Variants in ANGPT4 observed in about 807,000 individuals in gnomAD.
ANGPT4 encodes angiopoietin 4.
A neutral mutation model predicts 53.0 loss-of-function variants in ANGPT4; 50 were observed. The observed-to-expected ratio is 0.94, with a 90% confidence interval of 0.75 to 1.20. The LOEUF is 1.20. Ranked by LOEUF, ANGPT4 falls within the 50% of genes most tolerant of loss-of-function variation. ANGPT4 has a pLI of 0.00. For missense variants in ANGPT4, 648 were observed against 637.1 expected, an observed-to-expected ratio of 1.02 and a Z score of -0.18; for synonymous variants, 251 against 259.7, an observed-to-expected ratio of 0.97 and a Z score of 0.32.
At chr20:886,079 A>C (rs1310449708) in intron 3 of ANGPT4, among the ~76,000 whole-genome samples, 1 of 151,312 alleles carries the variant, frequency 6.6e-6, no homozygotes, top group East Asian at 1.9e-4. Flanking sequence ...TATTTTGTAC[A>C]GGTTCCTGTT....
At chr20:885,547 G>C (rs901255984) in intron 3 of ANGPT4, among the ~76,000 whole-genome samples, 4 of 152,200 alleles carry the variant, frequency 2.6e-5, no homozygotes, top group African/African-American at 9.6e-5. Flanking sequence ...GGTGGTGTGG[G>C]AGGGACACCA....
In ANGPT4 at chr20:908,243, A is replaced by T. The variant is rs752045261; in HGVS notation, c.309+7663T>A. ...CTCCACGGAGAACAGGGTCAGGACC[A>T]GGGACATCTGTCTGGCTCCTGGTGA... is the stretch of plus-strand genomic sequence containing the variant. On this transcript the variant is annotated intron_variant, in intron 1 of 8. Coordinates refer to ENST00000381922, the MANE Select transcript of ANGPT4 (RefSeq NM_015985.4). This position sits in a 1 kb window ranked among gnomAD's most constrained non-coding sequence, Gnocchi z 4.9. 1.8e-4 allele frequency among the ~76,000 whole-genome samples: 27 copies of T among 152,170 alleles called. No homozygotes were observed. Among genetic ancestry groups the T allele is most frequent in the Admixed American group, 3.3e-4 (5 of 15,286 alleles).
intron 1 of ANGPT4, among the ~76,000 whole-genome samples, chr20:903,157 T>C (rs2122850233): frequency 6.6e-6 from 1 of 152,342 alleles, no homozygotes; most frequent in Admixed American, 6.5e-5. Flanking sequence ...TGAACCCTGC[T>C]GCTGGCTTCT....
intron 1 of ANGPT4, among the ~76,000 whole-genome samples, chr20:903,710 T>C (rs59390575): frequency 0.066 from 9,973 of 152,228 alleles, 892 homozygotes; most frequent in African/African-American, 0.2. Context: ...GTGTGGGAAT[T>C]GGGATGAAGC....
Position 885,260 on chromosome 20 carries a change from C to G in ANGPT4, c.653G>C (p.Ser218Thr). 6.3e-7 allele frequency: 1 copy of G among 1,581,808 alleles called. No individual in the cohort carries two copies. The highest frequency in any genetic ancestry group is 8.6e-7 in the Non-Finnish European group (1 of 1,164,540). ...KQQEELASILSKKAKLLNTLS... is the reference protein window; with the variant it reads ...KQQEELASILTKKAKLLNTLS... Reference sequence around the variant, plus strand: ...CGTGTTCAGCAGCTTCGCCTTCTTGCTGAGGATGCTGGCCAGCTCCTCCTG... The same window carrying G: ...CGTGTTCAGCAGCTTCGCCTTCTTGGTGAGGATGCTGGCCAGCTCCTCCTG... The change falls in exon 4 of 9, where the codon AGC becomes ACC. Residue 218 changes from serine (S) to threonine (T), a missense_variant. By Grantham distance (58) the Ser-to-Thr change is moderately conservative. Transcript: ENST00000381922.
chr20:893,286 C>T (rs1981919841), intron 1 of ANGPT4, among the ~76,000 whole-genome samples: 1 of 152,232 alleles, frequency 6.6e-6, no homozygotes, highest in Non-Finnish European at 1.5e-5. Context: ...CATATCACAA[C>T]ACACTCTTAC....
At chr20:890,853 G>GCTGTTCCCTCA (rs1981818186) in intron 1 of ANGPT4, among the ~76,000 whole-genome samples, 1 of 151,918 alleles carries the variant, frequency 6.6e-6, no homozygotes, top group South Asian at 2.1e-4. Flanking sequence ...TGTGCCCACA[G>GCTGTTCCCTCA]CTGTTCCCTC....
intron 1 of ANGPT4, among the ~76,000 whole-genome samples, chr20:899,012 G>A (rs977486203): frequency 6.6e-6 from 1 of 152,178 alleles, no homozygotes; most frequent in African/African-American, 2.4e-5. Context: ...CTTCTTAGCT[G>A]CTGAAGACTG....
At chr20:883,782 G>C (rs1020944696) in intron 4 of ANGPT4, among the ~76,000 whole-genome samples, 1 of 152,224 alleles carries the variant, frequency 6.6e-6, no homozygotes, top group African/African-American at 2.4e-5. Context: ...CTGTGCCTTG[G>C]GCTGAGCTAC....
intron 4 of ANGPT4, among the ~76,000 whole-genome samples, chr20:881,658 C>T (rs956750118): frequency 6.6e-6 from 1 of 152,106 alleles, no homozygotes; most frequent in Non-Finnish European, 1.5e-5. Flanking sequence ...AGGCTGCTTG[C>T]TGTATGATGC....
chr20:899,190 A>G (rs1383285277), intron 1 of ANGPT4, among the ~76,000 whole-genome samples: 1 of 151,936 alleles, frequency 6.6e-6, no homozygotes, highest in African/African-American at 2.4e-5. Context: ...TGTTGCGGGT[A>G]TTGACGGCCA....
At chr20:884,586 G>C (rs914646672) in intron 4 of ANGPT4, among the ~76,000 whole-genome samples, 1 of 152,244 alleles carries the variant, frequency 6.6e-6, no homozygotes, top group Non-Finnish European at 1.5e-5. Flanking sequence ...GCCAGGGCCA[G>C]GGATGCCTCT....
Position 911,644 on chromosome 20 carries a change from CAG to C in ANGPT4, c.309+4260_309+4261del, listed in dbSNP as rs1170282160. Among the ~76,000 whole-genome samples the C allele has an allele frequency of 6.6e-6, 1 of 152,096 alleles. No individual in the cohort carries two copies. Among genetic ancestry groups the C allele is most frequent in the Non-Finnish European group, 1.5e-5 (1 of 68,012 alleles). ...GAGCCCCAGGAGAGATCCACAGAGG[CAG>C]AGAGACTCAGAAATAGAGACAGGCT... On this transcript the variant is annotated intron_variant, in intron 1 of 8. Coordinates refer to ENST00000381922, the MANE Select transcript of ANGPT4 (RefSeq NM_015985.4). The surrounding 1 kb of genome is among the most constrained non-coding windows in gnomAD (Gnocchi z 4.9).
rs532266035 is a variant in ANGPT4 at position 908,880 on chromosome 20, T to G, written c.309+7026A>C. 1.3e-5 allele frequency among the ~76,000 whole-genome samples: 2 copies of G among 152,184 alleles called. No individual in the cohort carries two copies. Among genetic ancestry groups the G allele is most frequent in the African/African-American group, 4.8e-5 (2 of 41,434 alleles). On this transcript the variant is annotated intron_variant, in intron 1 of 8. Coordinates refer to ENST00000381922, the MANE Select transcript of ANGPT4 (RefSeq NM_015985.4). This position sits in a 1 kb window ranked among gnomAD's most constrained non-coding sequence, Gnocchi z 4.9. ...ATTTATGGCATGCTATGTATCTTGT[T>G]GCCTCTGGAGAGGAGAAACAGGGGT... is the stretch of plus-strand genomic sequence containing the variant.
chr20:910,604 A>G (rs866864020), intron 1 of ANGPT4, among the ~76,000 whole-genome samples: 13 of 152,170 alleles, frequency 8.5e-5, no homozygotes, highest in Middle Eastern at 3.2e-3. Context: ...CTTAGGGGGC[A>G]GACCTGGGGC....
intron 1 of ANGPT4, among the ~76,000 whole-genome samples, chr20:907,851 C>T (rs1217413430): frequency 2.0e-5 from 3 of 152,292 alleles, no homozygotes; most frequent in Middle Eastern, 6.8e-3. Context: ...GGTATCTCCC[C>T]ACGTGGCACC....
intron 1 of ANGPT4, among the ~76,000 whole-genome samples, chr20:907,554 A>G (rs548185382): frequency 1.4e-4 from 22 of 152,284 alleles, no homozygotes; most frequent in African/African-American, 4.8e-4. Context: ...TGCTTATTGA[A>G]CAGTTATTAT....
intron 1 of ANGPT4, among the ~76,000 whole-genome samples, chr20:903,471 T>C (rs1298113890): frequency 6.6e-6 from 1 of 152,142 alleles, no homozygotes; most frequent in African/African-American, 2.4e-5. Context: ...TCAGCATCTG[T>C]CATTGCTCCC....
rs569213483 is a variant in ANGPT4, at chr20:908,418, G to A, written c.309+7488C>T. Among the ~76,000 whole-genome samples the A allele has an allele frequency of 1.6e-4, 24 of 152,180 alleles. No homozygotes were observed. The highest frequency in any genetic ancestry group is 4.8e-4 in the African/African-American group (20 of 41,524). The stretch of plus-strand genomic sequence containing the variant: ...TGCTTTTGCTTCCTTTCCCTGTCTC[G>A]CCACTGCCAACCCAGCCTTTAGATC... On this transcript the variant is annotated intron_variant, in intron 1 of 8. Transcript: ENST00000381922. This position sits in a 1 kb window ranked among gnomAD's most constrained non-coding sequence, Gnocchi z 4.9.
Sources: allele counts gnomAD v4.1 joint callset (sites outside exome capture counted in the v4.1 genomes callset), GRCh38; gene constraint gnomAD v4.1.1; non-coding constraint Gnocchi (gnomAD v3.1); transcripts MANE v1.5; gene names NCBI Gene and HGNC (gene_info 2026-07-23, HGNC 2026-07-21).